The following MYO7B variants were observed in gnomAD, a reference collection of about 807,000 sequenced individuals.
MYO7B encodes the protein myosin VIIB.
In MYO7B, 212 loss-of-function variants were observed where a neutral mutation model predicts 259.7. The ratio of observed to expected loss-of-function variants is 0.82; its 90% CI spans 0.73 to 0.91. The LOEUF (loss-of-function observed/expected upper bound fraction) is 0.91, where lower values mean the gene tolerates loss of function less well. Ranked by LOEUF, MYO7B falls within the 40% of genes least tolerant of loss-of-function variation. The pLI is 0.00. For synonymous variants in MYO7B, 1,197 were observed against 1,166.4 expected, an observed-to-expected ratio of 1.03 and a Z score of -0.54; for missense variants, 2,732 against 2,813.5, an observed-to-expected ratio of 0.97 and a Z score of 0.66.
In MYO7B at chr2:127,608,848, C is replaced by A; in HGVS notation, c.2784C>A (p.Gly928=). The change falls in exon 22 of 48, where the codon GGC becomes GGA. Residue 928 remains glycine (G), a synonymous_variant. Coordinates refer to ENST00000409816, the MANE Select transcript of MYO7B (RefSeq NM_001393586.1). ...GCTTCCTCCCTGCCATGATTGGGGG[C>A]CAGGAGGGCCAGGCCTCGCCGCACT... is the stretch of plus-strand genomic sequence containing the variant. ...VFGFLPAMIG[G]QEGQASPHFE... 6.2e-7 allele frequency: 1 copy of A among 1,613,292 alleles called. No individual in the cohort carries two copies. The highest frequency in any genetic ancestry group is 8.5e-7 in the Non-Finnish European group (1 of 1,179,794).
chr2:127,564,332 C>T, intron 3 of MYO7B, 66 bp downstream of exon 3: 1 of 1,308,428 alleles, frequency 7.6e-7, no homozygotes, highest in African/African-American at 1.5e-5. Context: ...GGAGCCCTCC[C>T]CGCCCTGTGG....
rs1681265760 is a variant in MYO7B, at chr2:127,628,364, A to G, written c.4461-8A>G. The G allele has an allele frequency of 6.3e-7, 1 of 1,596,334 alleles. No individual in the cohort carries two copies. The highest frequency in any genetic ancestry group is 8.5e-7 in the Non-Finnish European group (1 of 1,174,018). ...GGGGCTCCTGGTCACGCTGTCCTTCATCTCCAGGGAGGCCCAGGGCGGGCA... is the reference window on the plus strand; with the variant it reads ...GGGGCTCCTGGTCACGCTGTCCTTCGTCTCCAGGGAGGCCCAGGGCGGGCA... On this transcript the variant is annotated splice_polypyrimidine_tract_variant and splice_region_variant and intron_variant, in intron 33 of 47. Coordinates refer to ENST00000409816, the MANE Select transcript of MYO7B (RefSeq NM_001393586.1). The surrounding 1 kb of genome is among the most constrained non-coding windows in gnomAD (Gnocchi z 4.8).
chr2:127,592,988 C>T, intron 17 of MYO7B, 42 bp downstream of exon 17: 1 of 1,439,128 alleles, frequency 6.9e-7, no homozygotes, highest in Non-Finnish European at 9.1e-7. Flanking sequence ...CCATCCGCGG[C>T]CTTCCCCTCG....
chr2:127,570,784 T>C (rs1678568450), intron 6 of MYO7B, among the ~76,000 whole-genome samples: 1 of 150,690 alleles, frequency 6.6e-6, no homozygotes, highest in African/African-American at 2.5e-5. Context: ...TGGCAACTAC[T>C]GATTTGTCTT....
At chr2:127,580,671 G>A in intron 9 of MYO7B, 75 bp from the exon 10 acceptor site, 2 of 1,426,884 alleles carry the variant, frequency 1.4e-6, no homozygotes, top group Non-Finnish European at 1.9e-6. Context: ...GCTGCCAAGG[G>A]CCCGGGCCAG....
At position 127,576,921 on chromosome 2, in the gene MYO7B, C is replaced by T. The variant is rs1339610258; in HGVS notation, c.849+213C>T. ...GCTTCCCCGTCACATGTACCCCATG[C>T]CCCAGGCTGGACCCGGGGCCTCCCC... is the stretch of plus-strand genomic sequence containing the variant. On this transcript the variant is annotated intron_variant, in intron 8 of 47. Transcript: ENST00000409816. The surrounding 1 kb of genome is among the most constrained non-coding windows in gnomAD (Gnocchi z 4.9). Among the ~76,000 whole-genome samples, 1 of 152,130 alleles carries T rather than the reference C, an allele frequency of 6.6e-6. No individual in the cohort carries two copies. Among genetic ancestry groups the T allele is most frequent in the Non-Finnish European group, 1.5e-5 (1 of 68,016 alleles).
At position 127,614,405 on chromosome 2, in the gene MYO7B, C is replaced by G. The variant is rs1680496207; in HGVS notation, c.3398+1802C>G. ...TCTTTTGGTCAGCAGGAAGCTCATG[C>G]CTGCCCAACCATACAGTACATGTAC... On this transcript the variant is annotated intron_variant, in intron 26 of 47. Coordinates refer to ENST00000409816, the MANE Select transcript of MYO7B (RefSeq NM_001393586.1). This position sits in a 1 kb window ranked among gnomAD's most constrained non-coding sequence, Gnocchi z 4.6. Among the ~76,000 whole-genome samples the G allele has an allele frequency of 6.6e-6, 1 of 152,136 alleles. No homozygotes were observed. The highest frequency in any genetic ancestry group is 6.5e-5 in the Admixed American group (1 of 15,270).
In MYO7B at chr2:127,631,203, C is replaced by T; in HGVS notation, c.4938-3C>T. ...GGCCTCACACCAGCCTCTAACCTCA[C>T]AGGGCTCCAGAGAAGGACATGGTGA... On this transcript the variant is annotated splice_polypyrimidine_tract_variant and splice_region_variant and intron_variant, in intron 36 of 47. Transcript: ENST00000409816. The T allele has an allele frequency of 6.3e-7, 1 of 1,594,132 alleles. No homozygotes were observed. Among genetic ancestry groups the T allele is most frequent in the Middle Eastern group, 1.7e-4 (1 of 5,998 alleles).
At chr2:127,564,078 G>A (rs896969202) in intron 2 of MYO7B, 75 bp from the exon 3 acceptor site, 34 of 1,113,120 alleles carry the variant, frequency 3.1e-5, no homozygotes, top group East Asian at 2.5e-4. Context: ...GCATAGCCCC[G>A]AAGAGAAGTA....
At chr2:127,593,763 G>C in intron 18 of MYO7B, 119 bp downstream of exon 18, 2 of 904,564 alleles carry the variant, frequency 2.2e-6, no homozygotes, top group Non-Finnish European at 3.5e-6. Context: ...CTGGGCAGCA[G>C]CTCAAAGTGT....
chr2:127,627,267 C>A lies in MYO7B; in HGVS notation c.4417C>A (p.Leu1473Met). Residue 1473 changes from leucine to methionine, a missense_variant, in exon 33 of 48, where the codon CTG becomes ATG. Physicochemically the swap from Leu to Met is conservative, Grantham distance 15. This residue lies in a region of MYO7B where 1,906 missense variants were observed against 2,026.4 expected (regional missense o/e 0.94). Transcript: ENST00000409816. The surrounding 1 kb of genome is among the most constrained non-coding windows in gnomAD (Gnocchi z 5.6). ...CFLDQQEKML[L>M]ELSFPEVMGL... The stretch of plus-strand genomic sequence containing the variant: ...CCTGGACCAGCAGGAGAAGATGCTG[C>A]TGGAACTCTCTTTCCCAGAGGTCAT... 6.2e-7 allele frequency: 1 copy of A among 1,612,760 alleles called. No individual in the cohort carries two copies. Among genetic ancestry groups the A allele is most frequent in the Non-Finnish European group, 8.5e-7 (1 of 1,179,634 alleles).
Position 127,565,398 on chromosome 2 carries a change from A to C in MYO7B, c.285+13A>C. On this transcript the variant is annotated intron_variant, in intron 4 of 47. Coordinates refer to ENST00000409816, the MANE Select transcript of MYO7B (RefSeq NM_001393586.1). ...GCACAAGATCTATGTGAGTCTCCCC[A>C]GCCCTGTGTCCACAGGGGAGCCCCT... 6.2e-7 allele frequency: 1 copy of C among 1,613,678 alleles called. No homozygotes were observed. The highest frequency in any genetic ancestry group is 1.7e-5 in the Admixed American group (1 of 60,014).
chr2:127,637,461 T>G lies in MYO7B; in HGVS notation c.*44T>G. 1 of 1,399,576 alleles carries G rather than the reference T, an allele frequency of 7.1e-7. No individual in the cohort carries two copies. The highest frequency in any genetic ancestry group is 9.5e-7 in the Non-Finnish European group (1 of 1,049,312). 86.7% of individuals were successfully genotyped at this position (1,399,576 alleles called of 1,614,324 possible). Reference sequence around the variant, plus strand: ...CTGCTCAGGCGCCCTTCCCGACCTCTAGCCTGGCGGCACCTTCCCAGGCCC... The same window carrying G: ...CTGCTCAGGCGCCCTTCCCGACCTCGAGCCTGGCGGCACCTTCCCAGGCCC... On this transcript the variant is annotated 3_prime_UTR_variant, in exon 48 of 48. Coordinates refer to ENST00000409816, the MANE Select transcript of MYO7B (RefSeq NM_001393586.1).
rs113345332 is a variant in MYO7B at position 127,572,757 on chromosome 2, C to A, written c.593-1163C>A. Among the ~76,000 whole-genome samples, 516 of 152,120 alleles carry A rather than the reference C, an allele frequency of 3.4e-3. 5 individuals carry two copies. Among genetic ancestry groups the A allele is most frequent in the South Asian group, 0.021 (103 of 4,828 alleles). On this transcript the variant is annotated intron_variant, in intron 6 of 47. Transcript: ENST00000409816. ...CTGTTTCTGGATTCTCTATTATCTT[C>A]AATTCCCCTCTCTGTCTATTCTTTC...
chr2:127,628,116 C>T lies in MYO7B; in HGVS notation c.4461-256C>T, dbSNP rs1558848639. ...GTGTCCCTGCGGTGTCACTGCACAC[C>T]AGCCACCTCATTATCTGCCCACAGC... On this transcript the variant is annotated intron_variant, in intron 33 of 47. Transcript: ENST00000409816. This position sits in a 1 kb window ranked among gnomAD's most constrained non-coding sequence, Gnocchi z 4.8. The T allele has an allele frequency of 3.1e-6, 2 of 647,368 alleles. No homozygotes were observed. Among genetic ancestry groups the T allele is most frequent in the Non-Finnish European group, 2.9e-6 (1 of 350,224 alleles). 40.1% of individuals were successfully genotyped at this position (647,368 alleles called of 1,614,324 possible).
In MYO7B at chr2:127,590,225, C is replaced by A; in HGVS notation, c.1988C>A (p.Pro663Gln). The change falls in exon 16 of 48, where the codon CCG becomes CAG. Residue 663 changes from proline to glutamine, a missense_variant. This residue lies in a region of MYO7B where 1,906 missense variants were observed against 2,026.4 expected (regional missense o/e 0.94). Coordinates refer to ENST00000409816, the MANE Select transcript of MYO7B (RefSeq NM_001393586.1). The surrounding 1 kb of genome is among the most constrained non-coding windows in gnomAD (Gnocchi z 4.6). ...RCIKPNEYKK[P>Q]LLFDRELCLR... ...ATCAAACCTAATGAGTACAAGAAGC[C>A]GCTGGTAATGACAGGAGGCTGGGGC... is the stretch of plus-strand genomic sequence containing the variant. The A allele has an allele frequency of 1.2e-6, 2 of 1,612,748 alleles. No homozygotes were observed. The highest frequency in any genetic ancestry group is 2.2e-5 in the South Asian group (2 of 91,064).
Position 127,637,492 on chromosome 2 carries a change from AC to A in MYO7B, c.*78del, listed in dbSNP as rs1681917990. The A allele has an allele frequency of 8.9e-7, 1 of 1,120,490 alleles. No homozygotes were observed. The highest frequency in any genetic ancestry group is 1.2e-6 in the Non-Finnish European group (1 of 804,984). The allele number at this position is 1,120,490 out of a possible 1,614,324, so 69.4% of individuals were successfully genotyped here. A position where few individuals can be genotyped will look rare whatever the true frequency, so the allele number is the denominator to read the frequency against. On this transcript the variant is annotated 3_prime_UTR_variant, in exon 48 of 48. Transcript: ENST00000409816. ...GGCGGCACCTTCCCAGGCCCTCTCA[AC>A]CCAGGGCCTGTCCTTGGCGGGCAGC...
Position 127,636,089 on chromosome 2 carries a change from C to A in MYO7B, c.6007-119C>A. ...TCCACAGCACCGAGACTGTCCCATG[C>A]TGCATTCCTCCCCTCCCCTCCCCAC... On this transcript the variant is annotated intron_variant, in intron 44 of 47. Transcript: ENST00000409816. The surrounding 1 kb of genome is among the most constrained non-coding windows in gnomAD (Gnocchi z 4.5). The A allele has an allele frequency of 9.3e-7, 1 of 1,081,026 alleles. No individual in the cohort carries two copies. The allele number at this position is 1,081,026 out of a possible 1,614,324, so 67.0% of individuals were successfully genotyped here.
At chr2:127,631,124 C>A (rs1681477614) in intron 36 of MYO7B, 82 bp from the exon 37 acceptor site, 1 of 1,467,128 alleles carries the variant, frequency 6.8e-7, no homozygotes, top group Non-Finnish European at 9.1e-7. Context: ...CTCCCACAGC[C>A]ACTCAGGGGT....
Sources: allele counts gnomAD v4.1 joint callset (sites outside exome capture counted in the v4.1 genomes callset), GRCh38; gene constraint gnomAD v4.1.1; regional missense constraint gnomAD v4.1.1; non-coding constraint Gnocchi (gnomAD v3.1); transcripts MANE v1.5; gene names NCBI Gene and HGNC (gene_info 2026-07-23, HGNC 2026-07-21).